Variants in SLCO3A1 observed in about 807,000 individuals in gnomAD.
SLCO3A1 encodes the protein PGE1 transporter.
A neutral mutation model predicts 63.1 loss-of-function variants in SLCO3A1; 27 were observed. The observed-to-expected ratio is 0.43, with a 90% CI of 0.32 to 0.59. The LOEUF (loss-of-function observed/expected upper bound fraction) is 0.59, where lower values mean the gene tolerates loss of function less well. SLCO3A1 is among the 20% of genes least tolerant of loss of function. SLCO3A1 has a pLI of 0.09. For missense variants in SLCO3A1, 773 were observed against 945.8 expected, an observed-to-expected ratio of 0.82 and a Z score of 2.40; for synonymous variants, 473 against 409.9, an observed-to-expected ratio of 1.15 and a Z score of -1.86.
downstream of SLCO3A1, among the ~76,000 whole-genome samples, chr15:92,167,194 C>A (rs1434274699): frequency 6.6e-6 from 1 of 152,226 alleles, no homozygotes; most frequent in Non-Finnish European, 1.5e-5. Flanking sequence ...ACCTGACTAT[C>A]TTGATGGCTT....
At chr15:92,004,427 G>A (rs966768425) in intron 2 of SLCO3A1, among the ~76,000 whole-genome samples, 1 of 152,248 alleles carries the variant, frequency 6.6e-6, no homozygotes, top group Non-Finnish European at 1.5e-5. Context: ...AGTATAGCTG[G>A]TTAGGCAGTG....
chr15:92,026,718 A>G (rs1567073870), intron 2 of SLCO3A1, among the ~76,000 whole-genome samples: 1 of 152,196 alleles, frequency 6.6e-6, no homozygotes, highest in African/African-American at 2.4e-5. Flanking sequence ...CATGGTTTTC[A>G]TTACACTGGT....
At chr15:92,034,591 C>T (rs1702040352) in intron 2 of SLCO3A1, among the ~76,000 whole-genome samples, 1 of 151,730 alleles carries the variant, frequency 6.6e-6, no homozygotes, top group African/African-American at 2.4e-5. Context: ...CCAGGGGAAG[C>T]ATCCAGGGTG....
At chr15:91,857,581 G>A (rs188272745) in intron 1 of SLCO3A1, among the ~76,000 whole-genome samples, 263 of 152,302 alleles carry the variant, frequency 1.7e-3, no homozygotes, top group Non-Finnish European at 2.4e-3. Flanking sequence ...TGTAACATGT[G>A]CTTAAGTCTT....
chr15:92,127,566 T>C (rs1396304499), intron 6 of SLCO3A1, among the ~76,000 whole-genome samples: 3 of 152,170 alleles, frequency 2.0e-5, no homozygotes, highest in Non-Finnish European at 4.4e-5. Context: ...TCGTCACCTT[T>C]ATTATTATGA....
rs143605252 is a variant in SLCO3A1, at chr15:91,888,950, G to A, written c.181-27043G>A. 2.9e-4 allele frequency among the ~76,000 whole-genome samples: 44 copies of A among 151,736 alleles called. 1 individual carries two copies. The highest frequency in any genetic ancestry group is 2.8e-3 in the Admixed American group (43 of 15,234). On this transcript the variant is annotated intron_variant, in intron 1 of 9. Coordinates refer to ENST00000318445, the MANE Select transcript of SLCO3A1 (RefSeq NM_013272.4). ...CTTGAGCCCAGGAGCATAAGGTTTC[G>A]GGGAGCTGTGATCATGCTATTGCAG... is the stretch of plus-strand genomic sequence containing the variant.
rs1406461588 is a variant in SLCO3A1 at position 91,885,899 on chromosome 15, A to T, written c.181-30094A>T. ...AATGTTTCAGGCAGAGGGACTAGGA[A>T]GTGCAAAGGCCCTGGGGTTGAAATA... On this transcript the variant is annotated intron_variant, in intron 1 of 9. Transcript: ENST00000318445. This position sits in a 1 kb window ranked among gnomAD's most constrained non-coding sequence, Gnocchi z 4.7. Among the ~76,000 whole-genome samples the T allele has an allele frequency of 6.6e-6, 1 of 152,208 alleles. No individual in the cohort carries two copies. The highest frequency in any genetic ancestry group is 1.5e-5 in the Non-Finnish European group (1 of 68,038).
At position 92,047,579 on chromosome 15, in the gene SLCO3A1, T is replaced by C. The variant is rs1414319803; in HGVS notation, c.647-47302T>C. Among the ~76,000 whole-genome samples, 2 of 18,438 alleles carry C rather than the reference T, an allele frequency of 1.1e-4. 1 individual carries two copies. The highest frequency in any genetic ancestry group is 1.8e-4 in the Non-Finnish European group (2 of 11,110). The allele number at this position is 18,438 out of a possible 152,430, so 12.1% of individuals were successfully genotyped here. A position where few individuals can be genotyped will look rare whatever the true frequency, so the allele number is the denominator to read the frequency against. ...ATATAAATATATATATAAATATATA[T>C]ATAATATATATATAATATATAATAT... On this transcript the variant is annotated intron_variant, in intron 2 of 9. Coordinates refer to ENST00000318445, the MANE Select transcript of SLCO3A1 (RefSeq NM_013272.4).
rs1410889668 is a variant in SLCO3A1 at position 91,854,009 on chromosome 15, C to T, written c.101C>T (p.Ser34Phe). ...QRNKKKKKKVSCFSNIKIFLV... is the reference protein window; with the variant it reads ...QRNKKKKKKVFCFSNIKIFLV... ...AACAAGAAAAAGAAAAAGAAGGTGT[C>T]CTGCTTTTCCAACATCAAGATCTTC... Residue 34 changes from serine (S) to phenylalanine (F), a missense_variant, in exon 1 of 10, where the codon TCC becomes TTC. Coordinates refer to ENST00000318445, the MANE Select transcript of SLCO3A1 (RefSeq NM_013272.4). The surrounding 1 kb of genome is among the most constrained non-coding windows in gnomAD (Gnocchi z 6.4). 1.3e-6 allele frequency: 2 copies of T among 1,545,124 alleles called. No homozygotes were observed. Among genetic ancestry groups the T allele is most frequent in the South Asian group, 2.4e-5 (2 of 84,502 alleles).
chr15:92,096,850 G>A lies in SLCO3A1; in HGVS notation c.745+1871G>A, dbSNP rs147674626. Among the ~76,000 whole-genome samples the A allele has an allele frequency of 3.5e-3, 529 of 152,304 alleles. 3 individuals are homozygous for A. Among genetic ancestry groups the A allele is most frequent in the African/African-American group, 0.012 (478 of 41,564 alleles). On this transcript the variant is annotated intron_variant, in intron 3 of 9. Coordinates refer to ENST00000318445, the MANE Select transcript of SLCO3A1 (RefSeq NM_013272.4). Reference sequence around the variant, plus strand: ...ACTTTTAAAGTGCTGAGTCTGTTCCGAAGGTGATTGAGTGCTGGTGTTTTG... The same window carrying A: ...ACTTTTAAAGTGCTGAGTCTGTTCCAAAGGTGATTGAGTGCTGGTGTTTTG...
chr15:92,028,283 C>T (rs2046601154), intron 2 of SLCO3A1, among the ~76,000 whole-genome samples: 1 of 152,124 alleles, frequency 6.6e-6, no homozygotes, highest in East Asian at 1.9e-4. Context: ...GAGTCCAAAT[C>T]CGAGGCCTCC....
intron 2 of SLCO3A1, among the ~76,000 whole-genome samples, chr15:92,039,995 A>G (rs972079574): frequency 1.3e-5 from 2 of 152,204 alleles, no homozygotes; most frequent in African/African-American, 4.8e-5. Flanking sequence ...GATCTCACTC[A>G]TAAGTGGGAG....
In SLCO3A1 at chr15:92,126,257, C is replaced by T. The variant is rs1348365972; in HGVS notation, c.1371C>T (p.Asn457=). ...PVAGVTVPYG[N]STAPGSALDP... The stretch of plus-strand genomic sequence containing the variant: ...CTGGGGTTACTGTTCCCTATGGAAA[C>T]AGGTGAGTACTGGCAGTGTCTGCCG... The change falls in exon 6 of 10, where the codon AAC becomes AAT. Residue 457 remains asparagine (N), a splice_region_variant and synonymous_variant. Transcript: ENST00000318445. The T allele has an allele frequency of 6.2e-7, 1 of 1,613,700 alleles. No individual in the cohort carries two copies. The highest frequency in any genetic ancestry group is 1.7e-5 in the Admixed American group (1 of 60,030).
At chr15:92,040,304 A>G (rs74030421) in intron 2 of SLCO3A1, among the ~76,000 whole-genome samples, 3,207 of 152,302 alleles carry the variant, frequency 0.021, 98 homozygotes, top group African/African-American at 0.073. Flanking sequence ...CAAGAAAGCC[A>G]AATATTAGAA....
chr15:92,019,722 A>T (rs1049787076), intron 2 of SLCO3A1, among the ~76,000 whole-genome samples: 1 of 152,196 alleles, frequency 6.6e-6, no homozygotes, highest in Non-Finnish European at 1.5e-5. Context: ...CAGGAAAGGG[A>T]GGCCTTTGTC....
intron 2 of SLCO3A1, among the ~76,000 whole-genome samples, chr15:92,060,700 A>T (rs949629149): frequency 6.6e-6 from 1 of 151,930 alleles, no homozygotes; most frequent in Non-Finnish European, 1.5e-5. Context: ...GGGTTTCACC[A>T]TGTTGTCCGG....
intron 1 of SLCO3A1, among the ~76,000 whole-genome samples, chr15:91,857,663 T>C (rs2141832546): frequency 1.3e-5 from 2 of 152,254 alleles, no homozygotes; most frequent in East Asian, 3.9e-4. Context: ...TGCCTATTGG[T>C]GTTTTGCAGA....
rs2151401029 is a variant in SLCO3A1, at chr15:91,942,201, T to A, written c.646+25743T>A. ...ATAAAAAGGTGGCACCTCTGTCATTTACCCCTCAATATTTTATATTTGACT... is the reference window on the plus strand; with the variant it reads ...ATAAAAAGGTGGCACCTCTGTCATTAACCCCTCAATATTTTATATTTGACT... On this transcript the variant is annotated intron_variant, in intron 2 of 9. Coordinates refer to ENST00000318445, the MANE Select transcript of SLCO3A1 (RefSeq NM_013272.4). The surrounding 1 kb of genome is among the most constrained non-coding windows in gnomAD (Gnocchi z 4.1). Among the ~76,000 whole-genome samples the A allele has an allele frequency of 6.6e-6, 1 of 152,180 alleles. No individual in the cohort carries two copies. Among genetic ancestry groups the A allele is most frequent in the African/African-American group, 2.4e-5 (1 of 41,422 alleles).
At chr15:92,112,484 C>T (rs777226009) in intron 4 of SLCO3A1, among the ~76,000 whole-genome samples, 3 of 152,274 alleles carry the variant, frequency 2.0e-5, no homozygotes, top group East Asian at 1.9e-4. Flanking sequence ...GGGCCACAGC[C>T]CAGGAATTCT....
Sources: allele counts gnomAD v4.1 joint callset (sites outside exome capture counted in the v4.1 genomes callset), GRCh38; gene constraint gnomAD v4.1.1; non-coding constraint Gnocchi (gnomAD v3.1); transcripts MANE v1.5; gene names NCBI Gene and HGNC (gene_info 2026-07-23, HGNC 2026-07-21).